The following RIMS1 variants were observed in gnomAD, a reference collection of about 807,000 sequenced individuals.
RIMS1 encodes the protein regulating synaptic membrane exocytosis 1.
Under a neutral mutation model 214.1 loss-of-function variants are expected in RIMS1, and 83 were observed. The observed-to-expected ratio is 0.39, with a 90% CI of 0.32 to 0.47. The LOEUF is 0.47. Among genes scored for constraint, RIMS1 ranks in the 20% least tolerant of loss-of-function variants. The pLI, the probability that RIMS1 is intolerant of heterozygous loss-of-function variation, is 0.99. For missense variants in RIMS1, 2,050 were observed against 2,161.8 expected, an observed-to-expected ratio of 0.95 and a Z score of 1.03; for synonymous variants, 793 against 786.8, an observed-to-expected ratio of 1.01 and a Z score of -0.13.
chr6:72,261,843 A>C (rs948650494), intron 19 of RIMS1: 35 of 985,160 alleles, frequency 3.6e-5, no homozygotes, highest in Non-Finnish European at 3.9e-5. Flanking sequence ...CCACAGGAAA[A>C]AATCGAGGAA....
intron 2 of RIMS1, among the ~76,000 whole-genome samples, chr6:71,993,272 A>T (rs1440292289): frequency 1.3e-5 from 2 of 152,170 alleles, no homozygotes; most frequent in Non-Finnish European, 1.5e-5. Context: ...ACTGGCCACA[A>T]AGTCTCTCAA....
chr6:72,217,964 T>C (rs1047929310), intron 6 of RIMS1, among the ~76,000 whole-genome samples: 4 of 152,188 alleles, frequency 2.6e-5, no homozygotes, highest in Non-Finnish European at 5.9e-5. Context: ...TCTCCTGTTA[T>C]TCTCTGTAGG....
chr6:72,199,317 T>C (rs915729454), intron 6 of RIMS1, among the ~76,000 whole-genome samples: 2 of 152,124 alleles, frequency 1.3e-5, no homozygotes, highest in African/African-American at 4.8e-5. Flanking sequence ...ATACAGCCAA[T>C]TGGGCCATAA....
At chr6:72,383,819 CCTGT>C (rs2098538794) in intron 29 of RIMS1, among the ~76,000 whole-genome samples, 1 of 151,468 alleles carries the variant, frequency 6.6e-6, no homozygotes, top group Non-Finnish European at 1.5e-5. Flanking sequence ...CTAGCAAGAC[CCTGT>C]CTCTTAAAAA....
intron 2 of RIMS1, among the ~76,000 whole-genome samples, chr6:72,039,348 A>G (rs1018314672): frequency 6.6e-6 from 1 of 152,168 alleles, no homozygotes; most frequent in Non-Finnish European, 1.5e-5. Flanking sequence ...AATCTCACAA[A>G]TACAGAGAGA....
chr6:72,271,282 A>ATATATATATATATATATATATAT (rs751448635), intron 22 of RIMS1, among the ~76,000 whole-genome samples: 1 of 68,346 alleles, frequency 1.5e-5, no homozygotes, highest in Non-Finnish European at 2.9e-5. Context: ...AAAAAAAAAA[A>ATATATATATATATATATATATAT]AAAAATATAT....
intron 19 of RIMS1, among the ~76,000 whole-genome samples, chr6:72,264,374 T>A (rs1175639991): frequency 6.6e-6 from 1 of 152,164 alleles, no homozygotes; most frequent in Non-Finnish European, 1.5e-5. Context: ...AATGCCTATC[T>A]TACCCTACTT....
At chr6:72,169,306 T>C (rs752254531) in intron 4 of RIMS1, among the ~76,000 whole-genome samples, 7 of 152,242 alleles carry the variant, frequency 4.6e-5, no homozygotes, top group Non-Finnish European at 1.0e-4. Context: ...ATTTATTATA[T>C]AAGCCTTCTC....
rs778802084 is a variant in RIMS1, at chr6:71,962,835, ATT to A, written c.165-6142_165-6141del. On this transcript the variant is annotated intron_variant, in intron 1 of 33. Transcript: ENST00000521978. Reference sequence around the variant, plus strand: ...ATGAATCTTTTGTCTTTTCACCTTTATTTTTTTGTATTATAGAAACCCTTTCT... The same window carrying A: ...ATGAATCTTTTGTCTTTTCACCTTTATTTTTGTATTATAGAAACCCTTTCT... Among the ~76,000 whole-genome samples the A allele has an allele frequency of 2.6e-5, 4 of 151,984 alleles. No individual in the cohort carries two copies. In the East Asian group the frequency reaches 7.7e-4, roughly 29 times the overall value.
At chr6:72,011,157 C>T (rs937396812) in intron 2 of RIMS1, among the ~76,000 whole-genome samples, 7 of 152,096 alleles carry the variant, frequency 4.6e-5, no homozygotes, top group Middle Eastern at 3.2e-3. Flanking sequence ...TAGAACAGAG[C>T]CCTCAGGAAT....
Position 72,333,764 on chromosome 6 carries a change from C to A in RIMS1, c.4295C>A (p.Ser1432Tyr), listed in dbSNP as rs1243030421. The change falls in exon 29 of 34, where the codon TCC becomes TAC. Residue 1432 changes from serine to tyrosine, a missense_variant. Coordinates refer to ENST00000521978, the MANE Select transcript of RIMS1 (RefSeq NM_014989.7). Reference protein sequence around the residue: ...TVGAGGKKRRSSLSAKVVAIV... With the variant: ...TVGAGGKKRRYSLSAKVVAIV... ...GGAGCAGGTGGAAAGAAACGGAGAT[C>A]CAGCCTTAGTGCCAAAGTGGTTGCC... 5 of 1,599,098 alleles carry A rather than the reference C, an allele frequency of 3.1e-6. No individual in the cohort carries two copies. In the Admixed American group the frequency reaches 8.6e-5, roughly 28 times the overall value.
chr6:72,068,115 C>T (rs1020225432), intron 2 of RIMS1, among the ~76,000 whole-genome samples: 1 of 152,090 alleles, frequency 6.6e-6, no homozygotes. Flanking sequence ...TTTTTCATGC[C>T]TGGAAGAAGA....
intron 29 of RIMS1, among the ~76,000 whole-genome samples, chr6:72,390,049 A>T (rs1203677759): frequency 6.6e-6 from 1 of 152,226 alleles, no homozygotes; most frequent in East Asian, 1.9e-4. Flanking sequence ...AGAAATAAGT[A>T]TAAATATTAT....
chr6:72,248,438 C>G (rs2071311900), intron 12 of RIMS1, among the ~76,000 whole-genome samples: 1 of 152,086 alleles, frequency 6.6e-6, no homozygotes. Context: ...TAATTGTTTA[C>G]ACATAATATT....
chr6:72,173,853 AC>A (rs978340651), intron 4 of RIMS1, among the ~76,000 whole-genome samples: 59 of 152,104 alleles, frequency 3.9e-4, no homozygotes, highest in Admixed American at 3.9e-3. Context: ...TTTTAAGTGA[AC>A]AACTGGAGAA....
At chr6:72,110,209 T>A (rs2035754532) in intron 4 of RIMS1, among the ~76,000 whole-genome samples, 1 of 152,190 alleles carries the variant, frequency 6.6e-6, no homozygotes, top group African/African-American at 2.4e-5. Context: ...CCATATGAAC[T>A]TTAAAGTAGT....
intron 1 of RIMS1, among the ~76,000 whole-genome samples, chr6:71,907,651 C>A (rs1487363124): frequency 6.6e-6 from 1 of 152,148 alleles, no homozygotes; most frequent in Non-Finnish European, 1.5e-5. Flanking sequence ...TAAAAATACT[C>A]AAAAAATAAT....
At chr6:72,338,838 A>C (rs980992289) in intron 29 of RIMS1, among the ~76,000 whole-genome samples, 1 of 145,120 alleles carries the variant, frequency 6.9e-6, no homozygotes, top group Non-Finnish European at 1.5e-5. Context: ...CATGCTTTTA[A>C]CCAACTTGTG....
chr6:72,105,688 G>C (rs977720252), intron 4 of RIMS1, among the ~76,000 whole-genome samples: 3 of 152,008 alleles, frequency 2.0e-5, no homozygotes, highest in Admixed American at 2.0e-4. Flanking sequence ...ATATGTATAC[G>C]TATAGTATAA....
Sources: allele counts gnomAD v4.1 joint callset (sites outside exome capture counted in the v4.1 genomes callset), GRCh38; gene constraint gnomAD v4.1.1; transcripts MANE v1.5; gene names NCBI Gene and HGNC (gene_info 2026-07-23, HGNC 2026-07-21).